Variants in ZFAND4 observed in about 807,000 individuals in gnomAD.
The protein encoded by ZFAND4 is zinc finger AN1-type containing 4.
In ZFAND4, 43 loss-of-function variants were observed where a neutral mutation model predicts 64.4. The observed-to-expected ratio is 0.67, with a 90% CI of 0.52 to 0.86. ZFAND4 has a LOEUF of 0.86. ZFAND4 is among the 40% of genes least tolerant of loss of function. The pLI is 0.00. For missense variants in ZFAND4, 929 were observed against 859.8 expected (o/e 1.08, Z -1.01); for synonymous variants, 296 against 305.7 (o/e 0.97, Z 0.33).
At chr10:45,669,302 A>G (rs533890741) in intron 1 of ZFAND4, among the ~76,000 whole-genome samples, 23 of 152,360 alleles carry the variant, frequency 1.5e-4, no homozygotes, top group African/African-American at 5.5e-4. Flanking sequence ...AAATTCCTGG[A>G]CACATATACC....
chr10:45,671,146 G>C (rs1382152518), intron 1 of ZFAND4, among the ~76,000 whole-genome samples: 1 of 152,210 alleles, frequency 6.6e-6, no homozygotes, highest in Non-Finnish European at 1.5e-5. Flanking sequence ...TCTCACACCA[G>C]TTAGAATGGC....
At chr10:45,635,219 AAAAAACAAAC>A (rs1267046297) in intron 6 of ZFAND4, among the ~76,000 whole-genome samples, 8 of 138,946 alleles carry the variant, frequency 5.8e-5, no homozygotes, top group Non-Finnish European at 8.0e-5. Flanking sequence ...AAAAACAAAA[AAAAAACAAAC>A]AAAAAAAAAC....
chr10:45,635,195 C>CAAAAA (rs1173808756), intron 6 of ZFAND4, among the ~76,000 whole-genome samples: 26 of 27,618 alleles, frequency 9.4e-4, no homozygotes, highest in African/African-American at 1.4e-3. Flanking sequence ...GCCATCTAAG[C>CAAAAA]AAAAAAAAAA....
chr10:45,645,386 C>T lies in ZFAND4; in HGVS notation c.569+2908G>A, dbSNP rs572235661. ...AACCAGCAGTGTTAATGGTAAACTT[C>T]AATTGTTTCATGGACTTATCCATCA... is the stretch of plus-strand genomic sequence containing the variant. On this transcript the variant is annotated intron_variant, in intron 5 of 9. Coordinates refer to ENST00000344646, the MANE Select transcript of ZFAND4 (RefSeq NM_174890.4). 7.6e-4 allele frequency among the ~76,000 whole-genome samples: 116 copies of T among 152,228 alleles called. 1 individual carries two copies. The highest frequency in any genetic ancestry group is 2.7e-3 in the African/African-American group (111 of 41,532).
At chr10:45,670,275 G>A (rs2049093681) in intron 1 of ZFAND4, among the ~76,000 whole-genome samples, 2 of 148,640 alleles carry the variant, frequency 1.3e-5, no homozygotes, top group South Asian at 4.3e-4. Context: ...TGCCCAGGCT[G>A]GAGTGCAATG....
In ZFAND4 at chr10:45,626,014, C is replaced by G. The variant is rs759302479; in HGVS notation, c.1809G>C (p.Gln603His). ...TCCTAAAGTTTTCTTCCTGAAAATG[C>G]TGGAGGTTTGTAGACAGCCCAGTTC... The part of the protein sequence containing the change: ...NSGTGLSTNL[Q>H]HFQEENFRKS... The change falls in exon 7 of 10, where the codon CAG (glutamine) becomes CAC (histidine). Residue 603 changes from glutamine to histidine, a missense_variant. Transcript: ENST00000344646. 1 of 1,614,120 alleles carries G rather than the reference C, an allele frequency of 6.2e-7. No homozygotes were observed. Among genetic ancestry groups the G allele is most frequent in the Admixed American group, 1.7e-5 (1 of 60,016 alleles).
chr10:45,646,675 A>G (rs995494410), intron 5 of ZFAND4, among the ~76,000 whole-genome samples: 1 of 152,162 alleles, frequency 6.6e-6, no homozygotes, highest in Non-Finnish European at 1.5e-5. Flanking sequence ...TGGAAAACTG[A>G]TGGTAACACG....
chr10:45,643,604 A>G lies in ZFAND4; in HGVS notation c.570-3641T>C, dbSNP rs560945703. On this transcript the variant is annotated intron_variant, in intron 5 of 9. Transcript: ENST00000344646. Reference sequence around the variant, plus strand: ...AGAATCGCTTGAATCTGGGAGGCAGAGGTTGCAGTGAGCCAAGATCGTGCC... The same window carrying G: ...AGAATCGCTTGAATCTGGGAGGCAGGGGTTGCAGTGAGCCAAGATCGTGCC... Among the ~76,000 whole-genome samples, 26 of 141,434 alleles carry G rather than the reference A, an allele frequency of 1.8e-4. No individual in the cohort carries two copies. The South Asian group carries it at 6.3e-3, about 34-fold the overall frequency. The allele number at this position is 141,434 out of a possible 152,430, so 92.8% of individuals were successfully genotyped here.
At chr10:45,663,887 AT>A in intron 1 of ZFAND4, 45 bp from the exon 2 acceptor site, 1 of 549,678 alleles carries the variant, frequency 1.8e-6, no homozygotes, top group Non-Finnish European at 3.0e-6. Flanking sequence ...TGAAAGTTGT[AT>A]TTGTCCATAA....
intron 3 of ZFAND4, 27 bp from the exon 4 acceptor site, chr10:45,652,060 T>A: frequency 1.9e-6 from 3 of 1,609,720 alleles, no homozygotes; most frequent in Non-Finnish European, 2.5e-6. Context: ...CAAAAATAAA[T>A]CATAATCATC....
chr10:45,654,905 G>A (rs2048002955), intron 2 of ZFAND4, among the ~76,000 whole-genome samples: 1 of 151,924 alleles, frequency 6.6e-6, no homozygotes, highest in African/African-American at 2.4e-5. Context: ...AATAATAGTG[G>A]GGGACTTTAA....
intron 6 of ZFAND4, among the ~76,000 whole-genome samples, chr10:45,636,141 A>G (rs982252925): frequency 6.6e-6 from 1 of 152,330 alleles, no homozygotes; most frequent in South Asian, 2.1e-4. Context: ...ATATTTTTAA[A>G]AAATCAGTTC....
intron 6 of ZFAND4, among the ~76,000 whole-genome samples, chr10:45,627,654 G>A (rs763742632): frequency 1.7e-4 from 26 of 152,128 alleles, no homozygotes; most frequent in Non-Finnish European, 3.2e-4. Context: ...AACTATTTAC[G>A]CAATAATACA....
In ZFAND4 at chr10:45,658,540, T is replaced by C. The variant is rs184742393; in HGVS notation, c.184+5002A>G. Among the ~76,000 whole-genome samples the C allele has an allele frequency of 3.5e-3, 532 of 152,324 alleles. 4 individuals carry two copies. Among genetic ancestry groups the C allele is most frequent in the African/African-American group, 0.012 (508 of 41,566 alleles). On this transcript the variant is annotated intron_variant, in intron 2 of 9. Coordinates refer to ENST00000344646, the MANE Select transcript of ZFAND4 (RefSeq NM_174890.4). The stretch of plus-strand genomic sequence containing the variant: ...ATGTAAATTATATCTTCCTAAAAAA[T>C]AGTTTGTTAGAATTTGGAGACAAAT...
intron 3 of ZFAND4, 22 bp downstream of exon 3, chr10:45,652,962 G>A: frequency 6.3e-7 from 1 of 1,584,042 alleles, no homozygotes; most frequent in Non-Finnish European, 8.6e-7. Flanking sequence ...CTACAAAACA[G>A]CCAATATGCA....
Position 45,618,164 on chromosome 10 carries a change from C to T in ZFAND4, c.2024G>A (p.Gly675Glu), listed in dbSNP as rs1267718000. The change falls in exon 9 of 10, where the codon GGA (glycine) becomes GAA (glutamate). Residue 675 changes from glycine to glutamate, a missense_variant. By Grantham distance (98) the Gly-to-Glu change is moderately conservative (BLOSUM62 -2). Coordinates refer to ENST00000344646, the MANE Select transcript of ZFAND4 (RefSeq NM_174890.4). ...NHCFLCGKKT[G>E]LASSYECRCG... is the part of the protein sequence containing the mutation. Reference sequence around the variant, plus strand: ...CCTGCATTCGTAGCTACTAGCCAGTCCTGTTTTCTTTCCACAAAGAAAACA... The same window carrying T: ...CCTGCATTCGTAGCTACTAGCCAGTTCTGTTTTCTTTCCACAAAGAAAACA... 12 of 1,613,310 alleles carry T rather than the reference C, an allele frequency of 7.4e-6. No homozygotes were observed. The highest frequency in any genetic ancestry group is 1.0e-5 in the Non-Finnish European group (12 of 1,179,744).
intron 8 of ZFAND4, among the ~76,000 whole-genome samples, chr10:45,619,077 C>T (rs1264520892): frequency 3.3e-5 from 5 of 150,642 alleles, no homozygotes; most frequent in African/African-American, 1.2e-4. Context: ...TTTGCTCTGT[C>T]GCCCAGGCTG....
chr10:45,625,966 A>G lies in ZFAND4; in HGVS notation c.1857T>C (p.His619=), dbSNP rs2045786941. ...NFRKSSPQLE[H]TGVFLSTHGV... ...AAATACTGACCAAAAAAACTCCTGTATGTTCTAACTGGGGAGAACTTTTCC... is the reference window on the plus strand; with the variant it reads ...AAATACTGACCAAAAAAACTCCTGTGTGTTCTAACTGGGGAGAACTTTTCC... The change falls in exon 7 of 10, where the codon CAT becomes CAC. Residue 619 remains histidine, a synonymous_variant. Coordinates refer to ENST00000344646, the MANE Select transcript of ZFAND4 (RefSeq NM_174890.4). 3.7e-6 allele frequency: 6 copies of G among 1,613,794 alleles called. No individual in the cohort carries two copies. The highest frequency in any genetic ancestry group is 1.3e-5 in the African/African-American group (1 of 74,888).
chr10:45,635,937 G>C (rs561168627), intron 6 of ZFAND4, among the ~76,000 whole-genome samples: 4 of 151,990 alleles, frequency 2.6e-5, no homozygotes, highest in Non-Finnish European at 5.9e-5. Context: ...CTAGATATTA[G>C]ATAAATAAGT....
Sources: gnomAD v4.1 joint callset for allele counts (sites outside exome capture counted in the v4.1 genomes callset) on GRCh38, gnomAD v4.1.1 for gene constraint, MANE v1.5 for transcripts, NCBI Gene and HGNC (gene_info 2026-07-23, HGNC 2026-07-21) for gene names.